The following DHRSX variants were observed in gnomAD, a reference collection of about 807,000 sequenced individuals.
The protein encoded by DHRSX is polyprenol dehydrogenase.
In DHRSX, 31 loss-of-function variants were observed where a neutral mutation model predicts 34.0. The ratio of observed to expected loss-of-function variants is 0.91; its 90% CI spans 0.69 to 1.23. The LOEUF (loss-of-function observed/expected upper bound fraction) is 1.23. Among genes scored for constraint, DHRSX ranks in the 50% most tolerant of loss-of-function variants. The pLI is 0.00. For missense variants in DHRSX, 414 were observed against 428.1 expected (o/e 0.97, Z 0.29); for synonymous variants, 201 against 183.8 (o/e 1.09, Z -0.76).
intron 6 of DHRSX, among the ~76,000 whole-genome samples, chrX:2,242,403 G>A (rs73626186): frequency 0.027 from 4,163 of 152,060 alleles, 209 homozygotes; most frequent in African/African-American, 0.095. Context: ...CCCCAACACC[G>A]CACACGCAGC....
chrX:2,392,835 T>C (rs753462158), intron 3 of DHRSX, among the ~76,000 whole-genome samples: 1 of 140,668 alleles, frequency 7.1e-6, no homozygotes, highest in Admixed American at 7.3e-5. Context: ...ATATAATTTA[T>C]AGTTATCATT....
At chrX:2,276,948 G>A (rs868855790) in intron 4 of DHRSX, among the ~76,000 whole-genome samples, 3 of 16,416 alleles carry the variant, frequency 1.8e-4, no homozygotes, top group African/African-American at 7.8e-4. Context: ...GCAAACGAGA[G>A]AGGGAGAGAG....
At chrX:2,383,552 C>T (rs2043238354) in intron 3 of DHRSX, among the ~76,000 whole-genome samples, 1 of 152,192 alleles carries the variant, frequency 6.6e-6, no homozygotes, top group Non-Finnish European at 1.5e-5. Flanking sequence ...TCACCATTAT[C>T]ATCAACATCA....
intron 3 of DHRSX, among the ~76,000 whole-genome samples, chrX:2,310,925 G>T (rs1402781243): frequency 6.6e-6 from 1 of 151,986 alleles, no homozygotes; most frequent in Non-Finnish European, 1.5e-5. Flanking sequence ...GCTGAGCGTG[G>T]TGGCGGGCAC....
chrX:2,258,633 G>C (rs35600454), intron 5 of DHRSX, among the ~76,000 whole-genome samples: 3,259 of 152,280 alleles, frequency 0.021, 63 homozygotes, highest in South Asian at 0.055. Context: ...GACTGTGGGA[G>C]GCTCAATGTC....
At chrX:2,237,948 G>A (rs140218307) in intron 6 of DHRSX, among the ~76,000 whole-genome samples, 2,004 of 152,192 alleles carry the variant, frequency 0.013, 33 homozygotes, top group South Asian at 0.027. Flanking sequence ...GAGCTTCCTA[G>A]AGGTCTGAAG....
At chrX:2,452,393 A>G (rs1296000448) in intron 1 of DHRSX, among the ~76,000 whole-genome samples, 1 of 151,816 alleles carries the variant, frequency 6.6e-6, no homozygotes, top group Non-Finnish European at 1.5e-5. Flanking sequence ...TTCCCTAAGC[A>G]TGTAGCCAAG....
intron 1 of DHRSX, among the ~76,000 whole-genome samples, chrX:2,438,555 T>C (rs1203625073): frequency 2.7e-5 from 4 of 150,648 alleles, no homozygotes; most frequent in African/African-American, 7.3e-5. Flanking sequence ...CCTGTAATCC[T>C]GCCTCAGGAG....
chrX:2,468,943 A>G (rs1027264084), intron 1 of DHRSX, among the ~76,000 whole-genome samples: 1 of 150,706 alleles, frequency 6.6e-6, no homozygotes, highest in African/African-American at 2.5e-5. Context: ...TTCCCTAAGT[A>G]TGTGGCTCAG....
chrX:2,393,689 C>CCG (rs2043369860), intron 3 of DHRSX, among the ~76,000 whole-genome samples: 2 of 148,326 alleles, frequency 1.3e-5, no homozygotes, highest in African/African-American at 2.5e-5. Flanking sequence ...AGGGACCTCC[C>CCG]TGTCTCCTGC....
At chrX:2,475,278 C>T (rs1388539794) in intron 1 of DHRSX, among the ~76,000 whole-genome samples, 2 of 150,978 alleles carry the variant, frequency 1.3e-5, no homozygotes, top group Non-Finnish European at 3.0e-5. Flanking sequence ...CAACTGAAGA[C>T]GTTCCCTAAG....
intron 6 of DHRSX, among the ~76,000 whole-genome samples, chrX:2,238,805 G>A (rs1244443308): frequency 2.0e-5 from 3 of 150,872 alleles, no homozygotes; most frequent in Admixed American, 6.6e-5. Context: ...GTCTGGTCTC[G>A]AACTCCTGAC....
intron 5 of DHRSX, among the ~76,000 whole-genome samples, chrX:2,255,918 G>A (rs141349090): frequency 0.024 from 3,644 of 151,826 alleles, 137 homozygotes; most frequent in African/African-American, 0.083. Context: ...GCGAAACTCT[G>A]TCTCAAATAA....
At chrX:2,304,876 A>G (rs1278071549) in intron 3 of DHRSX, among the ~76,000 whole-genome samples, 3 of 152,096 alleles carry the variant, frequency 2.0e-5, no homozygotes, top group African/African-American at 7.2e-5. Flanking sequence ...AATAAATAGA[A>G]ATCATTCTAT....
intron 1 of DHRSX, among the ~76,000 whole-genome samples, chrX:2,451,841 G>A (rs1274018116): frequency 6.6e-6 from 1 of 152,178 alleles, no homozygotes; most frequent in African/African-American, 2.4e-5. Flanking sequence ...GCGGCCAAGG[G>A]ACTGCTGCCG....
At chrX:2,482,144 T>G (rs2044783505) in intron 1 of DHRSX, among the ~76,000 whole-genome samples, 1 of 149,852 alleles carries the variant, frequency 6.7e-6, no homozygotes, top group African/African-American at 2.5e-5. Flanking sequence ...TTTTTTTTTT[T>G]AGAGACAGCA....
intron 3 of DHRSX, among the ~76,000 whole-genome samples, chrX:2,377,494 C>A (rs1430702348): frequency 6.6e-6 from 1 of 151,962 alleles, no homozygotes; most frequent in Non-Finnish European, 1.5e-5. Context: ...CAGGAGGTGA[C>A]CTCAGGCGGT....
intron 1 of DHRSX, among the ~76,000 whole-genome samples, chrX:2,473,733 C>G (rs1222775052): frequency 7.1e-6 from 1 of 139,896 alleles, no homozygotes; most frequent in Non-Finnish European, 1.5e-5. Context: ...AGGTTTCTCT[C>G]CTGTCATCCT....
In DHRSX at chrX:2,428,851, C is replaced by G. The variant is rs184789695; in HGVS notation, c.110-3547G>C. ...TAAAATGTTGTGTCTCCTCTCCCCC[C>G]AAAATAATTCCTATGTTGAGAACAT... On this transcript the variant is annotated intron_variant, in intron 1 of 6. Coordinates refer to ENST00000334651, the MANE Select transcript of DHRSX (RefSeq NM_145177.3). Among the ~76,000 whole-genome samples, 69 of 152,218 alleles carry G rather than the reference C, an allele frequency of 4.5e-4. 1 individual carries two copies. The highest frequency in any genetic ancestry group is 1.6e-3 in the African/African-American group (68 of 41,540).
Sources: allele counts gnomAD v4.1 joint callset (sites outside exome capture counted in the v4.1 genomes callset), GRCh38; gene constraint gnomAD v4.1.1; transcripts MANE v1.5; gene names NCBI Gene and HGNC (gene_info 2026-07-23, HGNC 2026-07-21).